Variants in KIAA0753 observed in about 807,000 individuals in gnomAD.
The protein encoded by KIAA0753 is KIAA0753, also known as protein moonraker.
KIAA0753 carries 114 observed loss-of-function variants against 116.9 expected under a neutral mutation model. The observed-to-expected ratio is 0.98, with a 90% CI of 0.84 to 1.14. The LOEUF is 1.14. KIAA0753 is among the 50% of genes most tolerant of loss of function. KIAA0753 has a pLI of 0.00. For synonymous variants in KIAA0753, 405 were observed against 413.1 expected, an observed-to-expected ratio of 0.98 and a Z score of 0.24; for missense variants, 1,156 against 1,172.4, an observed-to-expected ratio of 0.99 and a Z score of 0.20.
intron 2 of KIAA0753, among the ~76,000 whole-genome samples, chr17:6,632,018 G>C (rs1222487522): frequency 6.6e-6 from 1 of 152,180 alleles, no homozygotes; most frequent in Non-Finnish European, 1.5e-5. Flanking sequence ...AAGTAGCTGA[G>C]ATTATAGGTG....
chr17:6,596,885 T>C (rs1019388868), intron 14 of KIAA0753, among the ~76,000 whole-genome samples: 1 of 152,256 alleles, frequency 6.6e-6, no homozygotes, highest in African/African-American at 2.4e-5. Context: ...AAAGCAATTT[T>C]ACATGCTCTG....
intron 12 of KIAA0753, among the ~76,000 whole-genome samples, chr17:6,605,088 G>GA (rs35631503): frequency 0.029 from 2,186 of 75,630 alleles, 65 homozygotes; most frequent in African/African-American, 0.072. Flanking sequence ...TCTCTAACTT[G>GA]AAAAAAAAAA....
At chr17:6,636,433 A>G (rs1274703358) in intron 1 of KIAA0753, 1 of 152,138 alleles carries the variant, frequency 6.6e-6, no homozygotes, top group Non-Finnish European at 1.5e-5. Context: ...CAAGGGCCAA[A>G]TAGTCCATTC....
At chr17:6,594,575 A>G (rs1969329750) in intron 16 of KIAA0753, among the ~76,000 whole-genome samples, 2 of 152,216 alleles carry the variant, frequency 1.3e-5, no homozygotes, top group Admixed American at 6.5e-5. Flanking sequence ...TTCTGAGGTG[A>G]TATGTTCTAT....
intron 18 of KIAA0753, among the ~76,000 whole-genome samples, chr17:6,585,521 C>T (rs1377638071): frequency 6.6e-6 from 1 of 152,168 alleles, no homozygotes; most frequent in African/African-American, 2.4e-5. Flanking sequence ...GATGTTGAAT[C>T]TCCTAGAACG....
Position 6,606,863 on chromosome 17 carries a change from A to G in KIAA0753, c.2009+10T>C. On this transcript the variant is annotated intron_variant, in intron 12 of 18. Transcript: ENST00000361413. Reference sequence around the variant, plus strand: ...ACATCCACTATTCTTCCTAAGAAGCAAACACATACCTCAATTGTTGGAGTC... The same window carrying G: ...ACATCCACTATTCTTCCTAAGAAGCGAACACATACCTCAATTGTTGGAGTC... 6.2e-7 allele frequency: 1 copy of G among 1,610,728 alleles called. No individual in the cohort carries two copies. Among genetic ancestry groups the G allele is most frequent in the East Asian group, 2.2e-5 (1 of 44,864 alleles).
chr17:6,600,025 A>T (rs1342546104), intron 13 of KIAA0753, among the ~76,000 whole-genome samples: 1 of 152,170 alleles, frequency 6.6e-6, no homozygotes, highest in Non-Finnish European at 1.5e-5. Flanking sequence ...GGAAAAATAG[A>T]GCTCATCATT....
At position 6,615,264 on chromosome 17, in the gene KIAA0753, T is replaced by C. The variant is rs1471444514; in HGVS notation, c.1316-3116A>G. Among the ~76,000 whole-genome samples the C allele has an allele frequency of 2.6e-5, 4 of 152,102 alleles. No homozygotes were observed. The South Asian group carries it at 6.3e-4, about 24-fold the overall frequency. ...AGTTTTAAAATGTGTATCCATGCTG[T>C]AGACGCTCCCTGCCTGTTAGTCACC... is the stretch of plus-strand genomic sequence containing the variant. On this transcript the variant is annotated intron_variant, in intron 7 of 18. Coordinates refer to ENST00000361413, the MANE Select transcript of KIAA0753 (RefSeq NM_014804.3).
At chr17:6,600,272 C>A (rs959412910) in intron 13 of KIAA0753, 108 bp downstream of exon 13, 2 of 804,644 alleles carry the variant, frequency 2.5e-6, no homozygotes, top group South Asian at 1.5e-5. Flanking sequence ...CTTCCAGATG[C>A]CACAGAGACA....
At chr17:6,611,578 C>T (rs1273519654) in intron 8 of KIAA0753, among the ~76,000 whole-genome samples, 1 of 152,112 alleles carries the variant, frequency 6.6e-6, no homozygotes, top group Non-Finnish European at 1.5e-5. Flanking sequence ...AGGCCTGAGA[C>T]ACCACACCCG....
intron 8 of KIAA0753, among the ~76,000 whole-genome samples, chr17:6,611,221 A>G (rs4796521): frequency 0.51 from 77,414 of 152,068 alleles, 20,277 homozygotes; most frequent in East Asian, 0.71. Context: ...TCCCAAAGCC[A>G]TATTAGAAAG....
chr17:6,581,240 T>C (rs558274272), intron 18 of KIAA0753, among the ~76,000 whole-genome samples: 1 of 152,212 alleles, frequency 6.6e-6, no homozygotes, highest in Admixed American at 6.5e-5. Flanking sequence ...TTGCCTCTCA[T>C]GACCTTAACA....
intron 8 of KIAA0753, among the ~76,000 whole-genome samples, 192 bp from the exon 9 acceptor site, chr17:6,610,352 G>C (rs1036797764): frequency 1.3e-5 from 2 of 151,032 alleles, no homozygotes; most frequent in Non-Finnish European, 2.9e-5. Context: ...GTAGGGGCGG[G>C]GGGTGGAGGG....
At chr17:6,622,298 G>C (rs1294195353) in intron 6 of KIAA0753, among the ~76,000 whole-genome samples, 1 of 152,226 alleles carries the variant, frequency 6.6e-6, no homozygotes, top group East Asian at 1.9e-4. Context: ...TACTGCCATA[G>C]AAAGGGTCAA....
At position 6,639,269 on chromosome 17, in the gene KIAA0753, G is replaced by C. The variant is rs1222123254; in HGVS notation, c.-69+1368C>G. ...ACTGCTTCATGTGTCAGAGCCCCAG[G>C]AATCTGCGGGGACTGTCCTCTCCCC... On this transcript the variant is annotated intron_variant, in intron 1 of 18. Coordinates refer to ENST00000361413, the MANE Select transcript of KIAA0753 (RefSeq NM_014804.3). The surrounding 1 kb of genome is among the most constrained non-coding windows in gnomAD (Gnocchi z 4.3). 6.6e-6 allele frequency: 1 copy of C among 152,150 alleles called. No homozygotes were observed. Among genetic ancestry groups the C allele is most frequent in the Non-Finnish European group, 1.5e-5 (1 of 68,314 alleles). The allele number at this position is 152,150 out of a possible 1,614,324, so 9.4% of individuals were successfully genotyped here. A position where few individuals can be genotyped will look rare whatever the true frequency, so the allele number is the denominator to read the frequency against.
At chr17:6,621,312 C>T (rs1567576163) in intron 6 of KIAA0753, among the ~76,000 whole-genome samples, 1 of 152,092 alleles carries the variant, frequency 6.6e-6, no homozygotes, top group Non-Finnish European at 1.5e-5. Context: ...GAATATTATC[C>T]CATCTGCTTC....
At position 6,591,070 on chromosome 17, in the gene KIAA0753, A is replaced by AGGAAGAAG. The variant is rs879668434; in HGVS notation, c.2441-441_2441-440insCTTCTTCC. On this transcript the variant is annotated intron_variant, in intron 16 of 18. Coordinates refer to ENST00000361413, the MANE Select transcript of KIAA0753 (RefSeq NM_014804.3). ...AAGAAGAAGAAGAAGAAGAAGAAGA[A>AGGAAGAAG]GAAGAAGAAGAAGAAGAAGAAGAAG... Among the ~76,000 whole-genome samples, 21 of 129,746 alleles carry AGGAAGAAG rather than the reference A, an allele frequency of 1.6e-4. 1 individual carries two copies. The highest frequency in any genetic ancestry group is 6.2e-4 in the African/African-American group (19 of 30,848). The allele number at this position is 129,746 out of a possible 152,430, so 85.1% of individuals were successfully genotyped here. A position where few individuals can be genotyped will look rare whatever the true frequency, so the allele number is the denominator to read the frequency against.
At chr17:6,631,050 C>G (rs1183193436) in intron 2 of KIAA0753, among the ~76,000 whole-genome samples, 1 of 151,696 alleles carries the variant, frequency 6.6e-6, no homozygotes, top group African/African-American at 2.4e-5. Context: ...ATATTTGGAA[C>G]CATGTTAATG....
intron 16 of KIAA0753, among the ~76,000 whole-genome samples, chr17:6,591,105 A>AAGG (rs1969033265): frequency 6.7e-6 from 1 of 149,770 alleles, no homozygotes; most frequent in Admixed American, 6.6e-5. Context: ...GAAGAAGAAG[A>AAGG]AGAAAACACT....
Sources: gnomAD v4.1 joint callset for allele counts (sites outside exome capture counted in the v4.1 genomes callset) on GRCh38, gnomAD v4.1.1 for gene constraint, Gnocchi (gnomAD v3.1) non-coding constraint, MANE v1.5 for transcripts, NCBI Gene and HGNC (gene_info 2026-07-23, HGNC 2026-07-21) for gene names.